Variants in ACACA observed in about 807,000 individuals in gnomAD.
ACACA encodes the protein acetyl-CoA carboxylase alpha, also known as acetyl-CoA carboxylase 1.
In ACACA, 103 loss-of-function variants were observed where a neutral mutation model predicts 296.1. The ratio of observed to expected loss-of-function variants is 0.35; its 90% CI spans 0.30 to 0.41. ACACA has a LOEUF of 0.41. ACACA is among the 10% of genes least tolerant of loss of function. The probability of loss-of-function intolerance (pLI) is 1.00; values close to 1 mark genes in which losing one functional copy is unlikely to be tolerated. For synonymous variants in ACACA, 953 were observed against 1,038.6 expected (o/e 0.92, Z 1.58); for missense variants, 1,554 against 2,989.7 (o/e 0.52, Z 11.20).
intron 1 of ACACA, among the ~76,000 whole-genome samples, chr17:37,343,326 A>G (rs1438923669): frequency 6.6e-6 from 1 of 152,212 alleles, no homozygotes; most frequent in Non-Finnish European, 1.5e-5. Context: ...AAATTTAGTT[A>G]GCATATTCTC....
At position 37,113,934 on chromosome 17, in the gene ACACA, A is replaced by AG. The variant is rs2074107617; in HGVS notation, c.6275-670dup. Among the ~76,000 whole-genome samples the AG allele has an allele frequency of 4.6e-5, 7 of 152,302 alleles. No homozygotes were observed. In the South Asian group the frequency reaches 8.3e-4, roughly 18 times the overall value. On this transcript the variant is annotated intron_variant, in intron 50 of 55. Coordinates refer to ENST00000616317, the MANE Select transcript of ACACA (RefSeq NM_198834.3). This position sits in a 1 kb window ranked among gnomAD's most constrained non-coding sequence, Gnocchi z 4.0. ...TGCATTTTTATAGGGTATCAATGAGAGAAAAATTTTAAAAATACTTAGGAA... is the reference window on the plus strand; with the variant it reads ...TGCATTTTTATAGGGTATCAATGAGAGGAAAAATTTTAAAAATACTTAGGAA...
At chr17:37,259,262 G>T (rs755481577) in intron 12 of ACACA, 98 bp downstream of exon 12, 84 of 1,343,464 alleles carry the variant, frequency 6.3e-5, no homozygotes, top group Non-Finnish European at 8.9e-5. Flanking sequence ...GTGTGACTCA[G>T]ATAGGAGGTG....
At chr17:37,352,572 A>T (rs1418501043) in intron 1 of ACACA, among the ~76,000 whole-genome samples, 2 of 151,844 alleles carry the variant, frequency 1.3e-5, no homozygotes, top group Non-Finnish European at 2.9e-5. Flanking sequence ...AAAAAAAAAT[A>T]GCCAGGTATG....
chr17:37,296,853 A>G (rs1169010795), intron 3 of ACACA, among the ~76,000 whole-genome samples: 1 of 151,602 alleles, frequency 6.6e-6, no homozygotes, highest in Non-Finnish European at 1.5e-5. Flanking sequence ...AGTAGCTGGG[A>G]TTACAGGATC....
chr17:37,381,691 G>A (rs577226540), intron 1 of ACACA, among the ~76,000 whole-genome samples: 9 of 145,726 alleles, frequency 6.2e-5, no homozygotes, highest in South Asian at 2.2e-4. Context: ...GCAGTGGTGC[G>A]ATCTCAGCTC....
intron 1 of ACACA, among the ~76,000 whole-genome samples, chr17:37,347,348 G>C (rs1003205563): frequency 6.6e-6 from 1 of 152,058 alleles, no homozygotes; most frequent in Admixed American, 6.6e-5. Context: ...GTCCAGTCTC[G>C]AGTATGTCTT....
At chr17:37,265,286 T>C (rs866865474) in intron 10 of ACACA, among the ~76,000 whole-genome samples, 90 of 152,284 alleles carry the variant, frequency 5.9e-4, no homozygotes, top group African/African-American at 2.0e-3. Flanking sequence ...GGAGGAGTTA[T>C]TGTCGCCATC....
At position 37,096,946 on chromosome 17, in the gene ACACA, G is replaced by T. The variant is rs372147527; in HGVS notation, c.6891+50C>A. On this transcript the variant is annotated intron_variant, in intron 54 of 55. Coordinates refer to ENST00000616317, the MANE Select transcript of ACACA (RefSeq NM_198834.3). Reference sequence around the variant, plus strand: ...TGCTGGCGAGACTTGCAGCCCTCAGGTGGTGTGAGGAACTCAGCAAAAAGG... The same window carrying T: ...TGCTGGCGAGACTTGCAGCCCTCAGTTGGTGTGAGGAACTCAGCAAAAAGG... 35 of 1,607,304 alleles carry T rather than the reference G, an allele frequency of 2.2e-5. No individual in the cohort carries two copies. In the African/African-American group the frequency reaches 4.5e-4, roughly 21 times the overall value.
chr17:37,233,295 C>A (rs2079950180), intron 25 of ACACA, among the ~76,000 whole-genome samples: 1 of 152,218 alleles, frequency 6.6e-6, no homozygotes, highest in Non-Finnish European at 1.5e-5. Context: ...CAAAGCTACT[C>A]CAGAATTCTC....
At chr17:37,243,305 G>A in intron 22 of ACACA, 66 bp downstream of exon 22, 4 of 1,488,010 alleles carry the variant, frequency 2.7e-6, no homozygotes, top group Non-Finnish European at 3.8e-6. Flanking sequence ...CAAATAGGAA[G>A]GAATCCTACA....
chr17:37,173,813 A>C (rs1188408318), intron 41 of ACACA, among the ~76,000 whole-genome samples: 1 of 147,636 alleles, frequency 6.8e-6, no homozygotes, highest in African/African-American at 2.5e-5. Flanking sequence ...TCATGATGGC[A>C]GCTAGTCTTT....
intron 52 of ACACA, among the ~76,000 whole-genome samples, chr17:37,102,785 G>C (rs544836382): frequency 6.6e-6 from 1 of 152,310 alleles, no homozygotes; most frequent in South Asian, 2.1e-4. Context: ...CTGGCTTCTG[G>C]GCTAACAAAG....
chr17:37,365,695 C>T (rs2049582598), intron 1 of ACACA: 7 of 985,420 alleles, frequency 7.1e-6, no homozygotes, highest in Non-Finnish European at 8.4e-6. Context: ...CCTGAAGGAA[C>T]TTCATACCAT....
intron 1 of ACACA, among the ~76,000 whole-genome samples, chr17:37,380,029 T>C: frequency 6.6e-6 from 1 of 151,362 alleles, no homozygotes; most frequent in Non-Finnish European, 1.5e-5. Context: ...CCAACCCAAA[T>C]GTCCAATAAT....
chr17:37,320,424 T>C (rs1272966066), intron 3 of ACACA, among the ~76,000 whole-genome samples: 2 of 150,538 alleles, frequency 1.3e-5, no homozygotes, highest in African/African-American at 2.5e-5. Context: ...GGCAGGAAAA[T>C]AGCTTGAACC....
chr17:37,272,265 T>C (rs2082102747), intron 9 of ACACA, among the ~76,000 whole-genome samples: 2 of 151,930 alleles, frequency 1.3e-5, no homozygotes, highest in Non-Finnish European at 2.9e-5. Flanking sequence ...ATCACTTGAA[T>C]CTGGGAAGTG....
intron 50 of ACACA, among the ~76,000 whole-genome samples, chr17:37,119,345 T>C (rs2074407008): frequency 6.6e-6 from 1 of 152,170 alleles, no homozygotes; most frequent in Non-Finnish European, 1.5e-5. Flanking sequence ...TTCTCTGAAG[T>C]GGCTAGCATA....
intron 41 of ACACA, among the ~76,000 whole-genome samples, chr17:37,176,878 G>T (rs749983335): frequency 2.0e-5 from 3 of 152,074 alleles, no homozygotes; most frequent in Non-Finnish European, 2.9e-5. Flanking sequence ...GCCATCCTGG[G>T]CATTAGTCAC....
At chr17:37,266,693 G>A (rs2081795517) in intron 10 of ACACA, among the ~76,000 whole-genome samples, 2 of 152,096 alleles carry the variant, frequency 1.3e-5, no homozygotes, top group South Asian at 4.2e-4. Context: ...TGTAAATTCT[G>A]CTTGTAAGCA....
Sources: allele counts gnomAD v4.1 joint callset (sites outside exome capture counted in the v4.1 genomes callset), GRCh38; gene constraint gnomAD v4.1.1; non-coding constraint Gnocchi (gnomAD v3.1); transcripts MANE v1.5; gene names NCBI Gene and HGNC (gene_info 2026-07-23, HGNC 2026-07-21).